SNHG17: variants seen among roughly 807,000 people sequenced by gnomAD.
SNHG17 encodes the protein small nucleolar RNA host gene 17.
Position 38,434,019 on chromosome 20 carries a change from C to T in SNHG17, n.308+485G>A, listed in dbSNP as rs547854082. The stretch of plus-strand genomic sequence containing the variant: ...CAGGTGCAAAAAAGGGCAGGTGAGC[C>T]CACGTCAGCGTGTTAGCTGCCAGAT... On this transcript the variant is annotated intron_variant and non_coding_transcript_variant, in intron 2 of 8. Coordinates refer to ENST00000654008, the Ensembl canonical transcript of SNHG17. The T allele has an allele frequency of 2.6e-4, 133 of 517,938 alleles. 2 individuals are homozygous for T. The highest frequency in any genetic ancestry group is 1.7e-3 in the South Asian group (125 of 71,538). 32.1% of individuals were successfully genotyped at this position (517,938 alleles called of 1,614,324 possible). A position where few individuals can be genotyped will look rare whatever the true frequency, so the allele number is the denominator to read the frequency against.
intron 3 of SNHG17, chr20:38,430,905 AAGGAGCAAAGAC>A (rs1260248925): frequency 2.4e-4 from 37 of 152,542 alleles, no homozygotes; most frequent in African/African-American, 7.9e-4. Context: ...CTGCCTGCTG[AAGGAGCAAAGAC>A]AGGAGCAAAG....
At chr20:38,431,232 G>C (rs1041418857) in intron 2 of SNHG17, 1 of 152,262 alleles carries the variant, frequency 6.6e-6, no homozygotes, top group Admixed American at 6.5e-5. Flanking sequence ...CTCAGGAGGT[G>C]AATGTACTGA....
chr20:38,434,392 C>T (rs2084395056), intron 2 of SNHG17: 2 of 212,096 alleles, frequency 9.4e-6, no homozygotes, highest in Admixed American at 1.1e-4. Flanking sequence ...TCTGCACCCG[C>T]TTTGCCAGAC....
chr20:38,432,295 A>G (rs2048541647), intron 2 of SNHG17: 2 of 411,252 alleles, frequency 4.9e-6, no homozygotes, highest in South Asian at 1.0e-4. Context: ...TTATGCACAT[A>G]TTGTTGAATT....
rs527742869 is a variant in SNHG17, at chr20:38,435,201, C to T, written n.181G>A. On this transcript the variant is annotated non_coding_transcript_exon_variant, in exon 1 of 9. Transcript: ENST00000654008. ...TGCGCCCTGCTGTGGACTCACCCGG[C>T]GCCCTGGCGTCGAGTGGCGGCGGAG... The T allele has an allele frequency of 4.1e-6, 5 of 1,232,066 alleles. No individual in the cohort carries two copies. The East Asian group carries it at 1.6e-4, about 39-fold the overall frequency. 76.3% of individuals were successfully genotyped at this position (1,232,066 alleles called of 1,614,324 possible).
At chr20:38,433,260 G>A (rs2084368045) in intron 2 of SNHG17, among the ~76,000 whole-genome samples, 1 of 152,176 alleles carries the variant, frequency 6.6e-6, no homozygotes, top group Non-Finnish European at 1.5e-5. Flanking sequence ...ACAGGTGTGA[G>A]CCATTGCACC....
At chr20:38,435,281 G>A (rs1319531772) in exon 1 of SNHG17, 5 of 1,231,818 alleles carry the variant, frequency 4.1e-6, no homozygotes, top group African/African-American at 1.5e-5. Flanking sequence ...GAGAGATGGG[G>A]TGCGGTGGCG....
rs543392138 is a variant in SNHG17 at position 38,432,379 on chromosome 20, G to A, written n.309-1267C>T. Among the ~76,000 whole-genome samples the A allele has an allele frequency of 1.6e-4, 24 of 152,216 alleles. 1 individual carries two copies. The East Asian group carries it at 4.1e-3, about 26-fold the overall frequency. ...TTCTGGTGTGGCACACCAGCGTGGC[G>A]CAGTCTAGCATACACAGTAAGGGCT... On this transcript the variant is annotated intron_variant and non_coding_transcript_variant, in intron 2 of 8. Transcript: ENST00000654008.
intron 3 of SNHG17, chr20:38,427,253 G>GT (rs1158570177): frequency 1.2e-5 from 5 of 430,256 alleles, no homozygotes; most frequent in African/African-American, 1.0e-4. Flanking sequence ...TGACTTTCAT[G>GT]TGGCAGCCAA....
At chr20:38,432,271 G>GCATAAGATGAGA in intron 2 of SNHG17, 1 of 577,156 alleles carries the variant, frequency 1.7e-6, no homozygotes, top group African/African-American at 2.0e-5. Context: ...ATCAGGGACA[G>GCATAAGATGAGA]CTTAAGTCTC....
intron 3 of SNHG17, chr20:38,427,210 TGA>T: frequency 2.8e-6 from 1 of 355,350 alleles, no homozygotes; most frequent in Non-Finnish European, 5.7e-6. Flanking sequence ...GAGGTCAAGC[TGA>T]GAAAGACTTA....
intron 3 of SNHG17, chr20:38,428,926 A>T (rs2084292524): frequency 6.6e-6 from 1 of 152,266 alleles, no homozygotes; most frequent in Non-Finnish European, 1.5e-5. Flanking sequence ...GGCCAACAGA[A>T]ATGAGTTACC....
At chr20:38,433,916 G>A (rs991261519) in intron 2 of SNHG17, 5 of 519,084 alleles carry the variant, frequency 9.6e-6, no homozygotes, top group Non-Finnish European at 1.5e-5. Context: ...CTCCAAACAC[G>A]GGGAAGCACT....
chr20:38,427,507 A>C (rs143180609), intron 3 of SNHG17: 1 of 464,178 alleles, frequency 2.2e-6, no homozygotes, highest in African/African-American at 2.0e-5. Flanking sequence ...GGATGACCCA[A>C]GTCAGGGACA....
intron 1 of SNHG17, chr20:38,435,062 G>C: frequency 2.4e-6 from 3 of 1,231,854 alleles, no homozygotes; most frequent in Non-Finnish European, 2.0e-6. Context: ...GCGAATCCTG[G>C]GGGGCTCACT....
At chr20:38,431,526 C>T (rs546337080) in intron 2 of SNHG17, among the ~76,000 whole-genome samples, 4 of 152,292 alleles carry the variant, frequency 2.6e-5, no homozygotes, top group East Asian at 1.9e-4. Flanking sequence ...CCCACATAAA[C>T]GGAACCTGCC....
chr20:38,434,061 AC>A (rs2084386867), intron 2 of SNHG17: 1 of 503,832 alleles, frequency 2.0e-6, no homozygotes, highest in Non-Finnish European at 4.0e-6. Flanking sequence ...AGGGAGGCTC[AC>A]CCCCCAGGGA....
intron 2 of SNHG17, among the ~76,000 whole-genome samples, chr20:38,434,274 A>G (rs2084392092): frequency 1.3e-5 from 2 of 152,256 alleles, no homozygotes; most frequent in African/African-American, 2.4e-5. Flanking sequence ...CTGCCCTCAG[A>G]GAGCCTTTGC....
intron 3 of SNHG17, chr20:38,429,178 C>T (rs1289482161): frequency 6.5e-6 from 1 of 153,284 alleles, no homozygotes; most frequent in Admixed American, 6.5e-5. Context: ...AAGAGAGCCT[C>T]CTGCCTCAGC....
Sources: gnomAD v4.1 joint callset for allele counts (sites outside exome capture counted in the v4.1 genomes callset) on GRCh38, gnomAD v4.1.1 for gene constraint, MANE v1.5 for transcripts, NCBI Gene and HGNC (gene_info 2026-07-23, HGNC 2026-07-21) for gene names.